DLG3: variants seen among roughly 807,000 people sequenced by gnomAD.
DLG3 encodes the protein disks large homolog 3.
DLG3 carries 1 observed loss-of-function variant against 64.1 expected under a neutral mutation model. That is an observed-to-expected ratio of 0.02 (90% CI 0.01 to 0.07). The LOEUF is 0.07. DLG3 is among the 10% of genes least tolerant of loss of function. The probability of loss-of-function intolerance (pLI) is 1.00; values close to 1 mark genes in which losing one functional copy is unlikely to be tolerated. For missense variants in DLG3, 429 were observed against 669.5 expected, an observed-to-expected ratio of 0.64 and a Z score of 3.96; for synonymous variants, 245 against 259.8, an observed-to-expected ratio of 0.94 and a Z score of 0.55.
At chrX:70,496,718 G>A (rs972975753) in intron 13 of DLG3, among the ~76,000 whole-genome samples, 14 of 112,535 alleles carry the variant, frequency 1.2e-4, no homozygotes, top group East Asian at 2.8e-4. Flanking sequence ...CCCATCCAGC[G>A]TTTGGCCTCT....
At chrX:70,466,249 G>GTA (rs1277260135) in intron 9 of DLG3, among the ~76,000 whole-genome samples, 46 of 24,900 alleles carry the variant, frequency 1.8e-3, no homozygotes, top group Middle Eastern at 0.019. Context: ...TTGGTCATTT[G>GTA]TGTGTGTGTG....
intron 15 of DLG3, 32 bp from the exon 16 acceptor site, chrX:70,499,845 T>C (rs777373845): frequency 8.4e-7 from 1 of 1,191,660 alleles, no homozygotes. Context: ...TCACTGCCCC[T>C]GGGCCACAAA....
intron 13 of DLG3, among the ~76,000 whole-genome samples, chrX:70,496,833 T>G (rs751479352): frequency 8.8e-6 from 1 of 113,124 alleles, no homozygotes; most frequent in Non-Finnish European, 1.9e-5. Context: ...TGTCACTGTC[T>G]TTTCTTTCCT....
chrX:70,458,685 C>G (rs1023755195), intron 9 of DLG3, among the ~76,000 whole-genome samples: 3 of 112,325 alleles, frequency 2.7e-5, no homozygotes, highest in African/African-American at 9.7e-5. Flanking sequence ...GTATTGTGCC[C>G]AGCATGGGTG....
intron 12 of DLG3, among the ~76,000 whole-genome samples, chrX:70,492,874 C>T (rs2087383764): frequency 9.0e-6 from 1 of 111,724 alleles, no homozygotes; most frequent in Non-Finnish European, 1.9e-5. Flanking sequence ...GAAAATGAAA[C>T]CACTCGTGGG....
intron 10 of DLG3, among the ~76,000 whole-genome samples, chrX:70,482,660 G>GTGTT (rs2087177224): frequency 2.9e-5 from 2 of 69,250 alleles, no homozygotes; most frequent in Non-Finnish European, 5.3e-5. Context: ...TACATGTGTG[G>GTGTT]TGTTTTTTTT....
intron 11 of DLG3, 70 bp downstream of exon 11, chrX:70,492,353 T>C: frequency 8.5e-7 from 1 of 1,174,388 alleles, no homozygotes; most frequent in Non-Finnish European, 1.2e-6. Flanking sequence ...GTTTTCCTAT[T>C]AGAAGTTGCT....
intron 8 of DLG3, 57 bp downstream of exon 8, chrX:70,453,850 G>A (rs2086656711): frequency 9.6e-7 from 1 of 1,036,434 alleles, no homozygotes; most frequent in African/African-American, 1.9e-5. Context: ...AAAATGGAGA[G>A]CGAGAGACCT....
rs930059764 is a variant in DLG3 at position 70,452,119 on chromosome X, T to C, written c.1145+93T>C. 7 of 1,136,517 alleles carry C rather than the reference T, an allele frequency of 6.2e-6. No individual in the cohort carries two copies. The Admixed American group carries it at 1.2e-4, about 19-fold the overall frequency. 93.7% of individuals were successfully genotyped at this position (1,136,517 alleles called of 1,213,427 possible). On this transcript the variant is annotated intron_variant, in intron 7 of 18. Transcript: ENST00000374360. ...GGCCGGCCACAGGCTCCTTGTAGTA[T>C]GGCAAAGAAGAGGATAAGGCCCTCA...
chrX:70,500,756 C>T (rs747913678), intron 17 of DLG3, 142 bp from the exon 18 acceptor site: 59 of 707,052 alleles, frequency 8.3e-5, no homozygotes, highest in Non-Finnish European at 1.2e-4. Flanking sequence ...GACTTTTGAA[C>T]GCAGGTTTGA....
chrX:70,460,173 C>T (rs750010969), intron 9 of DLG3, among the ~76,000 whole-genome samples: 29 of 108,333 alleles, frequency 2.7e-4, no homozygotes, highest in Non-Finnish European at 4.6e-4. Context: ...GTCCCAGCTA[C>T]TCAGGAGGCT....
chrX:70,455,557 T>C (rs770492551), intron 9 of DLG3, among the ~76,000 whole-genome samples: 3 of 109,357 alleles, frequency 2.7e-5, no homozygotes, highest in African/African-American at 1.0e-4. Context: ...GCCTCTGTCC[T>C]GCCTCAGCCC....
intron 7 of DLG3, chrX:70,452,764 G>A (rs1360933322): frequency 8.6e-7 from 1 of 1,165,829 alleles, no homozygotes; most frequent in Non-Finnish European, 1.1e-6. Flanking sequence ...AGGTAGGAGT[G>A]GAGGGCTAGG....
chrX:70,475,686 T>C (rs2087042731), intron 9 of DLG3, among the ~76,000 whole-genome samples: 1 of 112,267 alleles, frequency 8.9e-6, no homozygotes, highest in African/African-American at 3.2e-5. Context: ...ATAAGCCATA[T>C]ATGCATGGAA....
At chrX:70,446,235 T>A (rs1202460578) in intron 1 of DLG3, among the ~76,000 whole-genome samples, 1 of 109,976 alleles carries the variant, frequency 9.1e-6, no homozygotes, top group Admixed American at 9.6e-5. Context: ...GCTGCAAGAG[T>A]GTGCACGCGT....
chrX:70,446,672 T>G (rs1373871974), intron 1 of DLG3, among the ~76,000 whole-genome samples: 1 of 112,735 alleles, frequency 8.9e-6, no homozygotes, highest in African/African-American at 3.2e-5. Context: ...AACTGCCAGC[T>G]TAGAAAATGG....
At chrX:70,501,901 A>G (rs1344639291) in intron 18 of DLG3, among the ~76,000 whole-genome samples, 2 of 111,438 alleles carry the variant, frequency 1.8e-5, no homozygotes, top group African/African-American at 6.5e-5. Flanking sequence ...TCTGGTCATT[A>G]CTACTTAGTC....
At chrX:70,464,112 C>G (rs2086847523) in intron 9 of DLG3, among the ~76,000 whole-genome samples, 1 of 110,939 alleles carries the variant, frequency 9.0e-6, no homozygotes, top group African/African-American at 3.3e-5. Context: ...GGAGTCCTTC[C>G]ACCTCAGCTT....
rs1267349994 is a variant in DLG3, at chrX:70,445,480, G to A, written c.279G>A (p.Lys93=). The A allele has an allele frequency of 1.7e-6, 2 of 1,201,906 alleles. No homozygotes were observed. Among genetic ancestry groups the A allele is most frequent in the Non-Finnish European group, 2.2e-6 (2 of 890,991 alleles). Residue 93 remains lysine, a synonymous_variant, in exon 1 of 19, where the codon AAG becomes AAA. Transcript: ENST00000374360. The stretch of plus-strand genomic sequence containing the variant: ...TGCCTCCTAAGCCAGTCCCGGGCAA[G>A]AGCACCCCCAAACTCAACGGCAGCG... ...GPVPPKPVPG[K]STPKLNGSGP...
Sources: gnomAD v4.1 joint callset for allele counts (sites outside exome capture counted in the v4.1 genomes callset) on GRCh38, gnomAD v4.1.1 for gene constraint, MANE v1.5 for transcripts, NCBI Gene and HGNC (gene_info 2026-07-23, HGNC 2026-07-21) for gene names.